Variants in SYNRG observed in about 807,000 individuals in gnomAD.
SYNRG encodes the protein AP1 gamma subunit binding protein 1.
SYNRG carries 37 observed loss-of-function variants against 130.9 expected under a neutral mutation model. The ratio of observed to expected loss-of-function variants is 0.28; its 90% CI spans 0.22 to 0.37. SYNRG has a LOEUF of 0.37. Ranked by LOEUF, SYNRG falls within the 10% of genes least tolerant of loss-of-function variation. The pLI, the probability that SYNRG is intolerant of heterozygous loss-of-function variation, is 1.00. For missense variants in SYNRG, 1,338 were observed against 1,588.9 expected (o/e 0.84, Z 2.68); for synonymous variants, 539 against 568.1 (o/e 0.95, Z 0.73).
intron 8 of SYNRG, among the ~76,000 whole-genome samples, chr17:37,575,249 G>A (rs975207369): frequency 2.6e-5 from 4 of 151,914 alleles, no homozygotes; most frequent in African/African-American, 7.3e-5. Flanking sequence ...AGCACTACAA[G>A]GTAGCTACAG....
chr17:37,606,350 T>C (rs2063748897), intron 1 of SYNRG, among the ~76,000 whole-genome samples: 1 of 152,230 alleles, frequency 6.6e-6, no homozygotes, highest in East Asian at 1.9e-4. Context: ...ATGTTTTTTA[T>C]GTGCAAAAAT....
rs995476763 is a variant in SYNRG at position 37,565,111 on chromosome 17, A to C, written c.1482-3522T>G. 3.5e-4 allele frequency among the ~76,000 whole-genome samples: 54 copies of C among 152,158 alleles called. 2 individuals carry two copies. The highest frequency in any genetic ancestry group is 1.5e-5 in the Non-Finnish European group (1 of 68,024). ...AAACCCCATCTCTACTAAAAATACA[A>C]AAATTAGCTGGGTGTAGTGGCGCGT... is the stretch of plus-strand genomic sequence containing the variant. On this transcript the variant is annotated intron_variant, in intron 11 of 21. Transcript: ENST00000612223.
intron 14 of SYNRG, among the ~76,000 whole-genome samples, chr17:37,546,122 G>A (rs1293644270): frequency 6.6e-6 from 1 of 151,992 alleles, no homozygotes; most frequent in African/African-American, 2.4e-5. Flanking sequence ...ATTGTATAAT[G>A]GTCTTAAAAA....
intron 10 of SYNRG, among the ~76,000 whole-genome samples, chr17:37,570,120 T>C (rs1044336762): frequency 2.7e-5 from 4 of 150,442 alleles, no homozygotes; most frequent in African/African-American, 7.3e-5. Flanking sequence ...ACTACTAGGA[T>C]AGAAGATATA....
intron 2 of SYNRG, among the ~76,000 whole-genome samples, chr17:37,599,418 C>G (rs766680731): frequency 2.0e-5 from 3 of 152,132 alleles, no homozygotes; most frequent in Non-Finnish European, 4.4e-5. Flanking sequence ...AGAGAAATTT[C>G]TAGGAATAGA....
chr17:37,568,297 G>T (rs761861819), intron 11 of SYNRG: 1 of 152,422 alleles, frequency 6.6e-6, no homozygotes. Flanking sequence ...TGTTTATGCA[G>T]CTGTCTATGC....
chr17:37,521,942 G>A (rs1483471604), intron 19 of SYNRG, among the ~76,000 whole-genome samples: 1 of 152,090 alleles, frequency 6.6e-6, no homozygotes, highest in Non-Finnish European at 1.5e-5. Context: ...TTTGGTCCAA[G>A]CTGAGCTGGA....
chr17:37,525,783 T>C (rs1046632979), intron 19 of SYNRG, among the ~76,000 whole-genome samples: 9 of 152,294 alleles, frequency 5.9e-5, no homozygotes, highest in South Asian at 4.1e-4. Context: ...CTGGCCAACA[T>C]GGTGAAACCC....
chr17:37,547,706 G>A (rs890657445), intron 14 of SYNRG, among the ~76,000 whole-genome samples: 7 of 152,060 alleles, frequency 4.6e-5, no homozygotes, highest in Non-Finnish European at 5.9e-5. Context: ...CAGGTGATCC[G>A]CCTGCCTTCG....
At position 37,533,931 on chromosome 17, in the gene SYNRG, T is replaced by C. The variant is rs1195619233; in HGVS notation, c.3666+2048A>G. The stretch of plus-strand genomic sequence containing the variant: ...TCTAAACTTCATTTTCTTTTCTTTT[T>C]TTTTTTTTTTTTTTTTTTTTTGAGA... On this transcript the variant is annotated intron_variant, in intron 19 of 21. Transcript: ENST00000612223. Among the ~76,000 whole-genome samples the C allele has an allele frequency of 2.0e-3, 230 of 115,054 alleles. 5 individuals carry two copies. The highest frequency in any genetic ancestry group is 9.0e-4 in the Non-Finnish European group (49 of 54,364). The allele number at this position is 115,054 out of a possible 152,430, so 75.5% of individuals were successfully genotyped here.
At chr17:37,605,223 T>C (rs897195759) in intron 1 of SYNRG, among the ~76,000 whole-genome samples, 6 of 152,224 alleles carry the variant, frequency 3.9e-5, no homozygotes, top group African/African-American at 1.4e-4. Flanking sequence ...ATTACTCATA[T>C]GCTAAAATTG....
At chr17:37,605,637 T>C (rs1434135078) in intron 1 of SYNRG, among the ~76,000 whole-genome samples, 1 of 152,234 alleles carries the variant, frequency 6.6e-6, no homozygotes, top group East Asian at 1.9e-4. Context: ...TTCTCTGAAA[T>C]GTTTAGACAA....
intron 8 of SYNRG, 42 bp downstream of exon 8, chr17:37,576,298 CA>C (rs765163992): frequency 6.3e-7 from 1 of 1,582,478 alleles, no homozygotes; most frequent in Non-Finnish European, 8.7e-7. Flanking sequence ...ATATTTAAAC[CA>C]AAATATCCAG....
intron 2 of SYNRG, among the ~76,000 whole-genome samples, chr17:37,597,686 C>T (rs1042869321): frequency 5.9e-5 from 9 of 152,200 alleles, no homozygotes; most frequent in African/African-American, 1.7e-4. Context: ...GTTTCCCAAA[C>T]TTTTCCAAGA....
Position 37,561,502 on chromosome 17 carries a change from G to C in SYNRG, c.1569C>G (p.Asp523Glu), listed in dbSNP as rs1474512044. The change falls in exon 12 of 22, where the codon GAC (aspartate) becomes GAG (glutamate). Residue 523 changes from aspartate to glutamate, a missense_variant. Asp to Glu is a conservative substitution (Grantham distance 45). This residue lies in a region of SYNRG where 1,146 missense variants were observed against 1,342.3 expected (regional missense o/e 0.85). Coordinates refer to ENST00000612223, the MANE Select transcript of SYNRG (RefSeq NM_007247.6). Reference protein sequence around the residue: ...KYAVFKGIAADKSSENTVPPG... With the variant: ...KYAVFKGIAAEKSSENTVPPG... Reference sequence around the variant, plus strand: ...GTGGAACAGTATTTTCAGAGGACTTGTCAGCTGCAATTCCTTTAAACACAG... The same window carrying C: ...GTGGAACAGTATTTTCAGAGGACTTCTCAGCTGCAATTCCTTTAAACACAG... 3.7e-6 allele frequency: 6 copies of C among 1,613,788 alleles called. No individual in the cohort carries two copies. The highest frequency in any genetic ancestry group is 1.1e-5 in the South Asian group (1 of 91,074).
intron 13 of SYNRG, among the ~76,000 whole-genome samples, chr17:37,559,651 T>C (rs1039742845): frequency 1.3e-5 from 2 of 152,112 alleles, no homozygotes; most frequent in South Asian, 2.1e-4. Flanking sequence ...GATCATGCCA[T>C]TGCACTCTAG....
At chr17:37,574,968 T>TA (rs367927592) in intron 8 of SYNRG, among the ~76,000 whole-genome samples, 70 of 152,030 alleles carry the variant, frequency 4.6e-4, no homozygotes, top group East Asian at 1.5e-3. Context: ...AATTCAGCCA[T>TA]AAAAAAAATT....
intron 6 of SYNRG, among the ~76,000 whole-genome samples, chr17:37,582,912 T>C (rs1192856505): frequency 6.6e-6 from 1 of 152,026 alleles, no homozygotes; most frequent in Non-Finnish European, 1.5e-5. Flanking sequence ...AGATAAACAA[T>C]CTATAAAGAG....
intron 14 of SYNRG, among the ~76,000 whole-genome samples, chr17:37,547,742 C>T (rs1317158091): frequency 2.0e-5 from 3 of 152,094 alleles, no homozygotes; most frequent in African/African-American, 4.8e-5. Flanking sequence ...GGATTACAGG[C>T]GTGAGCCACT....
Sources: allele counts gnomAD v4.1 joint callset (sites outside exome capture counted in the v4.1 genomes callset), GRCh38; gene constraint gnomAD v4.1.1; regional missense constraint gnomAD v4.1.1; transcripts MANE v1.5; gene names NCBI Gene and HGNC (gene_info 2026-07-23, HGNC 2026-07-21).